The following RAF1 variants were observed in gnomAD, a reference collection of about 807,000 sequenced individuals.
RAF1 encodes the protein RAF proto-oncogene serine/threonine-protein kinase.
RAF1 carries 27 observed loss-of-function variants against 81.1 expected under a neutral mutation model. The ratio of observed to expected loss-of-function variants is 0.33; its 90% CI spans 0.25 to 0.46. The LOEUF is 0.46. Ranked by LOEUF, RAF1 falls within the 20% of genes least tolerant of loss-of-function variation. The pLI is 1.00. For synonymous variants in RAF1, 298 were observed against 294.0 expected, an observed-to-expected ratio of 1.01 and a Z score of -0.14; for missense variants, 598 against 826.0, an observed-to-expected ratio of 0.72 and a Z score of 3.38.
rs1024340685 is a variant in RAF1 at position 12,608,857 on chromosome 3, G to A, written c.490C>T (p.Arg164Ter). The A allele has an allele frequency of 1.2e-6, 2 of 1,614,080 alleles. No individual in the cohort carries two copies. The highest frequency in any genetic ancestry group is 1.7e-6 in the Non-Finnish European group (2 of 1,180,006). Residue 164 changes from arginine to a stop codon, truncating the protein, a stop_gained, in exon 5 of 18, where the codon CGA becomes TGA. Transcript: ENST00000442415. LOFTEE classifies it high-confidence loss of function. The stretch of plus-strand genomic sequence containing the variant: ...AATTTGTAGCCACAAGTCTGACATC[G>A]AAATCCATTGAGCAGGAATTTCTGA...
Position 12,664,056 on chromosome 3 carries a change from G to A in RAF1, c.-270C>T. The stretch of plus-strand genomic sequence containing the variant: ...AAAAAGGCAGCAGAAAGCCGTTCCC[G>A]CCTCACAATCGTTTTCCTCTTACTC... On this transcript the variant is annotated 5_prime_UTR_variant, in exon 1 of 18. Transcript: ENST00000442415. The A allele has an allele frequency of 2.5e-6, 1 of 398,430 alleles. No individual in the cohort carries two copies. Among genetic ancestry groups the A allele is most frequent in the Admixed American group, 4.4e-5 (1 of 22,728 alleles). The allele number at this position is 398,430 out of a possible 1,614,324, so 24.7% of individuals were successfully genotyped here. A position where few individuals can be genotyped will look rare whatever the true frequency, so the allele number is the denominator to read the frequency against.
At chr3:12,588,623 T>C (rs1273946381) in intron 13 of RAF1, 1 of 152,232 alleles carries the variant, frequency 6.6e-6, no homozygotes, top group African/African-American at 2.4e-5. Context: ...CCTTCCTATA[T>C]GTGGTCATTG....
intron 2 of RAF1, among the ~76,000 whole-genome samples, chr3:12,612,969 AC>A (rs1391972506): frequency 2.6e-5 from 4 of 152,164 alleles, no homozygotes; most frequent in Non-Finnish European, 5.9e-5. Flanking sequence ...TCTCACAAGT[AC>A]TTAACACTAG....
intron 15 of RAF1, 43 bp downstream of exon 14, chr3:12,585,638 T>C: frequency 6.6e-7 from 1 of 1,508,656 alleles, no homozygotes; most frequent in Non-Finnish European, 9.2e-7. Context: ...GGCATTCCTT[T>C]TGCCCTATAC....
At chr3:12,616,802 G>T (rs1422656603) in intron 2 of RAF1, among the ~76,000 whole-genome samples, 19 of 152,214 alleles carry the variant, frequency 1.2e-4, no homozygotes, top group Admixed American at 1.2e-3. Flanking sequence ...GATGGGAAAG[G>T]AAGAGGCATG....
At position 12,604,259 on chromosome 3, in the gene RAF1, G is replaced by C; in HGVS notation, c.711C>G (p.Ala237=). Residue 237 remains alanine (A), a synonymous_variant, in exon 7 of 18, where the codon GCC becomes GCG. Transcript: ENST00000442415. The stretch of plus-strand genomic sequence containing the variant: ...AGGGACTGGAGGTGTTAAAGGTGAA[G>C]GCGTGAGGTGTAGAATATCTGTGCT... 6.2e-7 allele frequency: 1 copy of C among 1,614,196 alleles called. No individual in the cohort carries two copies. Among genetic ancestry groups the C allele is most frequent in the Non-Finnish European group, 8.5e-7 (1 of 1,180,032 alleles).
intron 2 of RAF1, among the ~76,000 whole-genome samples, chr3:12,617,511 C>T (rs1358207787): frequency 2.0e-5 from 3 of 152,130 alleles, no homozygotes; most frequent in Non-Finnish European, 4.4e-5. Context: ...CCTCGGTCTC[C>T]CAAAGTGCTG....
chr3:12,628,248 C>G (rs1028378686), intron 1 of RAF1, among the ~76,000 whole-genome samples: 2 of 152,150 alleles, frequency 1.3e-5, no homozygotes, highest in Non-Finnish European at 2.9e-5. Flanking sequence ...ATCACTTAGG[C>G]CCAGGAGTTT....
chr3:12,617,347 T>C (rs1352097492), intron 2 of RAF1, among the ~76,000 whole-genome samples: 1 of 152,094 alleles, frequency 6.6e-6, no homozygotes, highest in African/African-American at 2.4e-5. Flanking sequence ...ACTCCTGACC[T>C]CAAGTAATGA....
Position 12,604,126 on chromosome 3 carries a change from GC to G in RAF1, c.834+9del. The G allele has an allele frequency of 6.2e-7, 1 of 1,613,934 alleles. No individual in the cohort carries two copies. Among genetic ancestry groups the G allele is most frequent in the Non-Finnish European group, 8.5e-7 (1 of 1,179,982 alleles). On this transcript the variant is annotated intron_variant, in intron 7 of 17. Coordinates refer to ENST00000442415, the MANE Select transcript of RAF1 (RefSeq NM_001354689.3). ...TGACTGACATTACCACCCCCAAGGTGCCCTATTACCTCAATCATCCTGCTGT... is the reference window on the plus strand; with the variant it reads ...TGACTGACATTACCACCCCCAAGGTGCCTATTACCTCAATCATCCTGCTGT...
At chr3:12,620,715 C>T (rs932748221) in intron 1 of RAF1, among the ~76,000 whole-genome samples, 1 of 152,070 alleles carries the variant, frequency 6.6e-6, no homozygotes, top group Non-Finnish European at 1.5e-5. Context: ...TGAGCTCAGG[C>T]AATCCACTCT....
At chr3:12,642,440 A>C (rs1413281741) in intron 1 of RAF1, among the ~76,000 whole-genome samples, 4 of 151,508 alleles carry the variant, frequency 2.6e-5, no homozygotes, top group Non-Finnish European at 5.9e-5. Context: ...TGAACCCAGG[A>C]GGCAGAGCTT....
intron 8 of RAF1, 98 bp from the exon 8 acceptor site, chr3:12,600,513 T>A: frequency 7.4e-7 from 1 of 1,343,078 alleles, no homozygotes; most frequent in Non-Finnish European, 1.1e-6. Flanking sequence ...ACAAAATAGA[T>A]TATAAAAACC....
chr3:12,653,620 C>T (rs1228441608), intron 1 of RAF1, among the ~76,000 whole-genome samples: 2 of 151,974 alleles, frequency 1.3e-5, no homozygotes, highest in Non-Finnish European at 2.9e-5. Context: ...TAGCGAGTGC[C>T]TGCAATCCCA....
chr3:12,646,789 G>A (rs1187252966), intron 1 of RAF1, among the ~76,000 whole-genome samples: 1 of 151,162 alleles, frequency 6.6e-6, no homozygotes, highest in African/African-American at 2.4e-5. Context: ...GACCTCAGGA[G>A]CCACCTGCCT....
chr3:12,611,342 C>T (rs1376618909), intron 3 of RAF1, among the ~76,000 whole-genome samples: 4 of 151,942 alleles, frequency 2.6e-5, no homozygotes, highest in Admixed American at 6.6e-5. Flanking sequence ...GTCAGCCTTT[C>T]GAACAGCTAG....
intron 6 of RAF1, among the ~76,000 whole-genome samples, chr3:12,605,374 G>A (rs981478102): frequency 2.0e-5 from 3 of 151,456 alleles, no homozygotes; most frequent in Non-Finnish European, 2.9e-5. Flanking sequence ...TGCCTACCAC[G>A]TTCAAGATTC....
At chr3:12,620,986 G>C (rs761343410) in intron 1 of RAF1, among the ~76,000 whole-genome samples, 1 of 151,990 alleles carries the variant, frequency 6.6e-6, no homozygotes, top group East Asian at 1.9e-4. Flanking sequence ...AGAAGTAAGG[G>C]GGGTAGGGTT....
chr3:12,622,405 C>T (rs1291817960), intron 1 of RAF1, among the ~76,000 whole-genome samples: 4 of 152,218 alleles, frequency 2.6e-5, no homozygotes, highest in South Asian at 2.1e-4. Context: ...CCTGACAAGG[C>T]GTCTAAAGGC....
Sources: gnomAD v4.1 joint callset for allele counts (sites outside exome capture counted in the v4.1 genomes callset) on GRCh38, gnomAD v4.1.1 for gene constraint, MANE v1.5 for transcripts, NCBI Gene and HGNC (gene_info 2026-07-23, HGNC 2026-07-21) for gene names.